Variants in ABL1 observed in about 807,000 individuals in gnomAD.
The protein encoded by ABL1 is tyrosine-protein kinase ABL1.
In ABL1, 11 loss-of-function variants were observed where a neutral mutation model predicts 94.7. The observed-to-expected ratio is 0.12, with a 90% CI of 0.07 to 0.19. ABL1 has a LOEUF of 0.19. ABL1 is among the 10% of genes least tolerant of loss of function. ABL1 has a pLI of 1.00. For synonymous variants in ABL1, 656 were observed against 622.4 expected (o/e 1.05, Z -0.80); for missense variants, 1,082 against 1,489.4 (o/e 0.73, Z 4.50).
At chr9:130,843,974 C>G (rs1179023299) in intron 1 of ABL1, among the ~76,000 whole-genome samples, 1 of 152,040 alleles carries the variant, frequency 6.6e-6, no homozygotes, top group Non-Finnish European at 1.5e-5. Context: ...CTGTGCATGC[C>G]TAGGCCCTCA....
rs1178729788 is a variant in ABL1 at position 130,872,742 on chromosome 9, G to C, written c.908-118G>C. 2.9e-6 allele frequency: 3 copies of C among 1,044,402 alleles called. No individual in the cohort carries two copies. Among genetic ancestry groups the C allele is most frequent in the Non-Finnish European group, 4.1e-6 (3 of 722,902 alleles). The allele number at this position is 1,044,402 out of a possible 1,614,324, so 64.7% of individuals were successfully genotyped here. ...GCAGGTGCTTGGGACCATGTTGGAA[G>C]TTGGGCCCAGGACTGAGGAGCAGAG... is the stretch of plus-strand genomic sequence containing the variant. On this transcript the variant is annotated intron_variant, in intron 5 of 10. Coordinates refer to ENST00000318560, the MANE Select transcript of ABL1 (RefSeq NM_005157.6). The surrounding 1 kb of genome is among the most constrained non-coding windows in gnomAD (Gnocchi z 5.0).
chr9:130,737,328 C>T (rs971586411), intron 1 of ABL1, among the ~76,000 whole-genome samples: 1 of 152,168 alleles, frequency 6.6e-6, no homozygotes, highest in African/African-American at 2.4e-5. Context: ...AGTGCAGTGG[C>T]GTCATCTCAG....
chr9:130,809,815 A>G (rs559292458), intron 1 of ABL1, among the ~76,000 whole-genome samples: 6 of 152,350 alleles, frequency 3.9e-5, no homozygotes, highest in South Asian at 2.1e-4. Flanking sequence ...CTGAGCACGT[A>G]TGGCCCAGTC....
chr9:130,731,025 G>A (rs377758904), intron 1 of ABL1, among the ~76,000 whole-genome samples: 1 of 8,752 alleles, frequency 1.1e-4, no homozygotes, highest in Non-Finnish European at 4.6e-4. Context: ...TTTTTTTTTT[G>A]AGACAGAGTC....
chr9:130,793,412 T>C (rs10901284), intron 1 of ABL1, among the ~76,000 whole-genome samples: 37,440 of 152,098 alleles, frequency 0.25, 6,144 homozygotes, highest in African/African-American at 0.48. Flanking sequence ...AACTGGGCCT[T>C]AATTATCATG....
chr9:130,783,801 G>A (rs530464924), intron 1 of ABL1, among the ~76,000 whole-genome samples: 1 of 152,054 alleles, frequency 6.6e-6, no homozygotes, highest in South Asian at 2.1e-4. Flanking sequence ...GATGACAGGC[G>A]GGCATCACCA....
At position 130,742,939 on chromosome 9, in the gene ABL1, C is replaced by T. The variant is rs78092588; in HGVS notation, c.136+28484C>T. Reference sequence around the variant, plus strand: ...TAAATATTTAAAACTTTAAAAAATGCGTTACTGGTACAAAATTTTTTTGTT... The same window carrying T: ...TAAATATTTAAAACTTTAAAAAATGTGTTACTGGTACAAAATTTTTTTGTT... On this transcript the variant is annotated intron_variant, in intron 1 of 10. Transcript: ENST00000372348. Among the ~76,000 whole-genome samples, 1,038 of 151,848 alleles carry T rather than the reference C, an allele frequency of 6.8e-3. 16 individuals carry two copies. Among genetic ancestry groups the T allele is most frequent in the African/African-American group, 0.023 (935 of 41,370 alleles).
At chr9:130,713,396 C>G (rs1831396010) in exon 1 of ABL1, among the ~76,000 whole-genome samples, 1 of 152,174 alleles carries the variant, frequency 6.6e-6, no homozygotes, top group Admixed American at 6.5e-5. Context: ...GGTCTGTTTC[C>G]CCCAGCTTGG....
chr9:130,750,406 TCCC>T (rs1831945661), intron 1 of ABL1, among the ~76,000 whole-genome samples: 3 of 11,552 alleles, frequency 2.6e-4, no homozygotes, highest in African/African-American at 3.3e-4. Context: ...CCTTCCTCCC[TCCC>T]TCCCTCCCTC....
chr9:130,804,272 C>T (rs532751764), intron 1 of ABL1, among the ~76,000 whole-genome samples: 2 of 149,718 alleles, frequency 1.3e-5, no homozygotes, highest in African/African-American at 5.0e-5. Flanking sequence ...GGCAGAAAAA[C>T]GGCGTGAACC....
At chr9:130,881,437 T>C (rs1196609429) in intron 10 of ABL1, among the ~76,000 whole-genome samples, 1 of 152,192 alleles carries the variant, frequency 6.6e-6, no homozygotes, top group African/African-American at 2.4e-5. Flanking sequence ...TGGGGAGGCC[T>C]CACAATCATG....
At position 130,757,595 on chromosome 9, in the gene ABL1, G is replaced by A. The variant is rs552622206; in HGVS notation, c.136+43140G>A. On this transcript the variant is annotated intron_variant, in intron 1 of 10. Transcript: ENST00000372348. ...GCTCTGTCACCCAGGCTGGAGTGTA[G>A]TGGTGCGATCTCAGCTCACTGCAAC... Among the ~76,000 whole-genome samples the A allele has an allele frequency of 3.7e-5, 5 of 135,188 alleles. No individual in the cohort carries two copies. The South Asian group carries it at 9.9e-4, about 27-fold the overall frequency. The allele number at this position is 135,188 out of a possible 152,430, so 88.7% of individuals were successfully genotyped here. A position where few individuals can be genotyped will look rare whatever the true frequency, so the allele number is the denominator to read the frequency against.
At chr9:130,818,696 G>C (rs1175211975) in intron 1 of ABL1, among the ~76,000 whole-genome samples, 1 of 152,068 alleles carries the variant, frequency 6.6e-6, no homozygotes, top group Non-Finnish European at 1.5e-5. Flanking sequence ...TCTTGCATAG[G>C]GGTTTCGGAT....
intron 1 of ABL1, among the ~76,000 whole-genome samples, chr9:130,800,096 A>T (rs547331104): frequency 6.6e-6 from 1 of 151,642 alleles, no homozygotes; most frequent in South Asian, 2.1e-4. Flanking sequence ...CTGGTCTCGA[A>T]CTCCTGACCT....
At chr9:130,802,720 G>A (rs1830072384) in intron 1 of ABL1, among the ~76,000 whole-genome samples, 3 of 152,280 alleles carry the variant, frequency 2.0e-5, no homozygotes, top group Admixed American at 2.0e-4. Context: ...ACTGGCAGTT[G>A]AACTAATTTG....
intron 1 of ABL1, among the ~76,000 whole-genome samples, chr9:130,762,131 G>A (rs1488228972): frequency 1.8e-5 from 2 of 110,288 alleles, no homozygotes; most frequent in Non-Finnish European, 1.7e-5. Context: ...CAACAAGAGC[G>A]AAACTCCCAG....
rs55694245 is a variant in ABL1 at position 130,884,933 on chromosome 9, C to T, written c.2643C>T (p.Ser881=). 2 of 1,611,626 alleles carry T rather than the reference C, an allele frequency of 1.2e-6. No individual in the cohort carries two copies. Among genetic ancestry groups the T allele is most frequent in the Non-Finnish European group, 1.7e-6 (2 of 1,179,606 alleles). Reference sequence around the variant, plus strand: ...CCAGAGTGAGGAGGCACAAGCACTCCTCTGAGTCGCCAGGGAGGGACAAGG... The same window carrying T: ...CCAGAGTGAGGAGGCACAAGCACTCTTCTGAGTCGCCAGGGAGGGACAAGG... The part of the protein sequence containing the change: ...EESRVRRHKH[S]SESPGRDKGK... The change falls in exon 11 of 11, where the codon TCC becomes TCT. Residue 881 remains serine, a synonymous_variant. Coordinates refer to ENST00000318560, the MANE Select transcript of ABL1 (RefSeq NM_005157.6). The surrounding 1 kb of genome is among the most constrained non-coding windows in gnomAD (Gnocchi z 5.6).
At chr9:130,830,776 A>G (rs142621083), upstream of ABL1, among the ~76,000 whole-genome samples, 5 of 152,322 alleles carry the variant, frequency 3.3e-5, no homozygotes, top group African/African-American at 1.2e-4. Context: ...ACCCTGTGAG[A>G]TAACTACTCT....
At chr9:130,845,115 T>C (rs569746378) in intron 1 of ABL1, among the ~76,000 whole-genome samples, 1 of 152,328 alleles carries the variant, frequency 6.6e-6, no homozygotes, top group African/African-American at 2.4e-5. Context: ...TATGCAATTT[T>C]CTTTTAAAAT....
Sources: gnomAD v4.1 joint callset for allele counts (sites outside exome capture counted in the v4.1 genomes callset) on GRCh38, gnomAD v4.1.1 for gene constraint, Gnocchi (gnomAD v3.1) non-coding constraint, MANE v1.5 for transcripts, NCBI Gene and HGNC (gene_info 2026-07-23, HGNC 2026-07-21) for gene names.